ARAP3: variants seen among roughly 807,000 people sequenced by gnomAD.
The protein encoded by ARAP3 is arf-GAP with Rho-GAP domain, ANK repeat and PH domain-containing protein 3.
A neutral mutation model predicts 169.2 loss-of-function variants in ARAP3; 82 were observed. The observed-to-expected ratio is 0.48, with a 90% CI of 0.41 to 0.58. ARAP3 has a LOEUF of 0.58. Ranked by LOEUF, ARAP3 falls within the 20% of genes least tolerant of loss-of-function variation. ARAP3 has a pLI of 0.00. For synonymous variants in ARAP3, 791 were observed against 800.3 expected (o/e 0.99, Z 0.20); for missense variants, 1,764 against 2,018.0 (o/e 0.87, Z 2.41).
In ARAP3 at chr5:141,655,640, A is replaced by G; in HGVS notation, c.4091T>C (p.Leu1364Pro). 6.2e-7 allele frequency: 1 copy of G among 1,613,998 alleles called. No individual in the cohort carries two copies. The highest frequency in any genetic ancestry group is 8.5e-7 in the Non-Finnish European group (1 of 1,179,942). Residue 1364 changes from leucine to proline, a missense_variant, in exon 31 of 33, where the codon CTC becomes CCC. By Grantham distance (98) the Leu-to-Pro change is moderately conservative. This residue lies in a region of ARAP3 where 1,112 missense variants were observed against 1,285.7 expected (regional missense o/e 0.86). Transcript: ENST00000239440. ...CCTTACCAGGGTCTGATTGGCAGAG[A>G]GGAGGGTGGCTCCACTGTCATCCCC... is the stretch of plus-strand genomic sequence containing the variant. ...IRGDDSGATL[L>P]SANQTLRRLH... is the part of the protein sequence containing the mutation.
chr5:141,670,444 C>T (rs2154599036), intron 14 of ARAP3, 68 bp downstream of exon 14: 1 of 1,484,582 alleles, frequency 6.7e-7, no homozygotes, highest in Admixed American at 1.7e-5. Flanking sequence ...CTCTTTGTCC[C>T]TCTGCAGTAC....
intron 4 of ARAP3, among the ~76,000 whole-genome samples, chr5:141,675,223 C>G (rs1051095038): frequency 1.3e-5 from 2 of 152,164 alleles, no homozygotes; most frequent in East Asian, 3.9e-4. Flanking sequence ...TCAGAGAGGC[C>G]TCCCTTAACT....
Position 141,666,494 on chromosome 5 carries a change from C to T in ARAP3, c.2502G>A (p.Leu834=). 6.2e-7 allele frequency: 1 copy of T among 1,603,078 alleles called. No individual in the cohort carries two copies. The highest frequency in any genetic ancestry group is 8.5e-7 in the Non-Finnish European group (1 of 1,174,870). ...FGLLRGDHLF[L]CSAPGPGPPA... The stretch of plus-strand genomic sequence containing the variant: ...GGGGGCCTGGGCCCGGCGCTGAGCA[C>T]AGGAAGAGGTGGTCACCACGAAGGA... Residue 834 remains leucine (L), a synonymous_variant, in exon 17 of 33, where the codon CTG becomes CTA. Transcript: ENST00000239440.
chr5:141,670,932 C>T (rs1259420871), intron 13 of ARAP3, among the ~76,000 whole-genome samples: 1 of 152,212 alleles, frequency 6.6e-6, no homozygotes, highest in African/African-American at 2.4e-5. Flanking sequence ...AGGGTCTCAG[C>T]CCCCTGGCCT....
Position 141,673,802 on chromosome 5 carries a change from G to A in ARAP3, c.705C>T (p.Ser235=). The A allele has an allele frequency of 6.2e-7, 1 of 1,613,920 alleles. No homozygotes were observed. Among genetic ancestry groups the A allele is most frequent in the South Asian group, 1.1e-5 (1 of 91,074 alleles). ...VCQGRAEHRL[S]RQDLEAREDA... Reference sequence around the variant, plus strand: ...CCTCCCGTGCCTCCAGATCCTGTCTGCTGAGCCTTGTGGGGGCCAAGACAG... The same window carrying A: ...CCTCCCGTGCCTCCAGATCCTGTCTACTGAGCCTTGTGGGGGCCAAGACAG... Residue 235 remains serine, a synonymous_variant, in exon 5 of 33, where the codon AGC becomes AGT. Transcript: ENST00000239440.
At position 141,670,037 on chromosome 5, in the gene ARAP3, C is replaced by T. The variant is rs200870737; in HGVS notation, c.2134G>A (p.Gly712Arg). 6.3e-7 allele frequency: 1 copy of T among 1,598,238 alleles called. No individual in the cohort carries two copies. The highest frequency in any genetic ancestry group is 1.4e-5 in the African/African-American group (1 of 73,656). Reference sequence around the variant, plus strand: ...GATGCAAACATTTCCAGAGCTGCTCCCAGCACACACCAAAGGCGCGGGGGA... The same window carrying T: ...GATGCAAACATTTCCAGAGCTGCTCTCAGCACACACCAAAGGCGCGGGGGA... ...DAPPRLWCVL[G>R]AALEMFASEN... The change falls in exon 15 of 33, where the codon GGA becomes AGA. Residue 712 changes from glycine (G) to arginine (R), a missense_variant. Around this residue, in one of 3 missense-constraint regions of ARAP3, gnomAD observed 1,112 missense variants for 1,285.7 expected, o/e 0.86. Transcript: ENST00000239440.
At chr5:141,670,658 A>T in intron 13 of ARAP3, 30 bp from the exon 14 acceptor site, 1 of 1,586,810 alleles carries the variant, frequency 6.3e-7, no homozygotes, top group Non-Finnish European at 8.7e-7. Flanking sequence ...TAGTCAGGTC[A>T]ACCAAGTGCA....
At chr5:141,677,745 GTTT>G (rs34170396) in intron 4 of ARAP3, among the ~76,000 whole-genome samples, 1 of 151,636 alleles carries the variant, frequency 6.6e-6, no homozygotes, top group Non-Finnish European at 1.5e-5. Flanking sequence ...CCTTGTTTTT[GTTT>G]TTTTGGTTTT....
Position 141,654,004 on chromosome 5 carries a change from G to A in ARAP3, c.4581C>T (p.Phe1527=). 2 of 1,558,296 alleles carry A rather than the reference G, an allele frequency of 1.3e-6. No individual in the cohort carries two copies. The highest frequency in any genetic ancestry group is 3.5e-4 in the Middle Eastern group (2 of 5,688). ...PTGLPTQTPG[F]PTQPPCTSSP... ...TGGAAGTGCATGGGGGTTGGGTGGG[G>A]AAGCCAGGTGTCTGTGTTGGAAGGC... The change falls in exon 33 of 33, where the codon TTC becomes TTT. Residue 1527 remains phenylalanine, a synonymous_variant. Coordinates refer to ENST00000239440, the MANE Select transcript of ARAP3 (RefSeq NM_022481.6).
At chr5:141,680,698 G>C in intron 1 of ARAP3, 195 bp from the exon 2 acceptor site, 1 of 890,354 alleles carries the variant, frequency 1.1e-6, no homozygotes, top group Non-Finnish European at 1.6e-6. Context: ...GACTTCATTT[G>C]AAGTTAAGGA....
In ARAP3 at chr5:141,671,553, T is replaced by C. The variant is rs373334593; in HGVS notation, c.1854+17A>G. Reference sequence around the variant, plus strand: ...TGACCCCCCCACCCCAGATCACCCCTGCTCTGTCCCTCCTACCTGGAGAAG... The same window carrying C: ...TGACCCCCCCACCCCAGATCACCCCCGCTCTGTCCCTCCTACCTGGAGAAG... On this transcript the variant is annotated intron_variant, in intron 12 of 32. Transcript: ENST00000239440. The surrounding 1 kb of genome is among the most constrained non-coding windows in gnomAD (Gnocchi z 4.9). 4.3e-6 allele frequency: 7 copies of C among 1,613,534 alleles called. No homozygotes were observed. The African/African-American group carries it at 8.0e-5, about 18-fold the overall frequency.
intron 4 of ARAP3, 144 bp downstream of exon 4, chr5:141,679,401 G>A (rs2099912667): frequency 2.8e-6 from 2 of 708,262 alleles, no homozygotes; most frequent in African/African-American, 1.8e-5. Flanking sequence ...CTGCCTGAGG[G>A]TGGCACTAGG....
intron 16 of ARAP3, among the ~76,000 whole-genome samples, chr5:141,667,448 T>TC (rs2099910804): frequency 2.0e-5 from 3 of 151,566 alleles, no homozygotes; most frequent in Admixed American, 2.0e-4. Context: ...TTTTTTTTTT[T>TC]TTGAAATGGA....
rs1480106819 is a variant in ARAP3, at chr5:141,673,692, A to G, written c.815T>C (p.Leu272Pro). Residue 272 changes from leucine to proline, a missense_variant, in exon 5 of 33, where the codon CTC becomes CCC. By Grantham distance (98) the Leu-to-Pro change is moderately conservative (BLOSUM62 -3). Around this residue, in one of 3 missense-constraint regions of ARAP3, gnomAD observed 630 missense variants for 678.7 expected, o/e 0.93. Transcript: ENST00000239440. ...TLETEETSDDLISPYASFSFT... is the reference protein window; with the variant it reads ...TLETEETSDDPISPYASFSFT... Reference sequence around the variant, plus strand: ...GGAGAAGCTGGCATAGGGTGAAATGAGGTCATCACTGGTCTCCTCTGTTTC... The same window carrying G: ...GGAGAAGCTGGCATAGGGTGAAATGGGGTCATCACTGGTCTCCTCTGTTTC... 6.2e-7 allele frequency: 1 copy of G among 1,614,042 alleles called. No individual in the cohort carries two copies. The highest frequency in any genetic ancestry group is 1.3e-5 in the African/African-American group (1 of 74,902).
At position 141,659,641 on chromosome 5, in the gene ARAP3, T is replaced by C. The variant is rs925043427; in HGVS notation, c.3267+138A>G. 5 of 1,367,758 alleles carry C rather than the reference T, an allele frequency of 3.7e-6. No homozygotes were observed. The African/African-American group carries it at 7.1e-5, about 20-fold the overall frequency. 84.7% of individuals were successfully genotyped at this position (1,367,758 alleles called of 1,614,324 possible). On this transcript the variant is annotated intron_variant, in intron 22 of 32. Coordinates refer to ENST00000239440, the MANE Select transcript of ARAP3 (RefSeq NM_022481.6). ...GTTGTGGGAGAAGAAGGGCCAGGGC[T>C]CTGGGAGGTAGTTCCTGGTATAGCT...
At chr5:141,656,140 A>AG (rs1290173880) in intron 28 of ARAP3, 41 bp from the exon 29 acceptor site, 1 of 1,614,038 alleles carries the variant, frequency 6.2e-7, no homozygotes, top group East Asian at 2.2e-5. Flanking sequence ...CAGAAAGGGC[A>AG]GGGGGGTGAA....
chr5:141,667,479 G>A (rs2099910813), intron 16 of ARAP3, among the ~76,000 whole-genome samples: 1 of 149,916 alleles, frequency 6.7e-6, no homozygotes, highest in Non-Finnish European at 1.5e-5. Context: ...TCTCTCCCAG[G>A]GTGGAGTACA....
chr5:141,680,222 C>A lies in ARAP3; in HGVS notation c.265G>T (p.Ala89Ser). The A allele has an allele frequency of 6.2e-7, 1 of 1,613,266 alleles. No individual in the cohort carries two copies. Among genetic ancestry groups the A allele is most frequent in the Non-Finnish European group, 8.5e-7 (1 of 1,179,622 alleles). Residue 89 changes from alanine to serine, a missense_variant, in exon 2 of 33, where the codon GCC becomes TCC. Physicochemically the swap from Ala to Ser is moderately conservative, Grantham distance 99 (BLOSUM62 1). Coordinates refer to ENST00000239440, the MANE Select transcript of ARAP3 (RefSeq NM_022481.6). ...MEPSPSPAPQ[A>S]QPPKPVPKPR... ...TTCGGCACGGGCTTAGGGGGCTGGG[C>A]TTGCGGGGCTGGGCTGGGGGATGGT... is the stretch of plus-strand genomic sequence containing the variant.
At position 141,682,221 on chromosome 5, in the gene ARAP3, G is replaced by A. The variant is rs1264194027; in HGVS notation, c.-66C>T. The A allele has an allele frequency of 6.6e-6, 1 of 152,280 alleles. No individual in the cohort carries two copies. 9.4% of individuals were successfully genotyped at this position (152,280 alleles called of 1,614,324 possible). ...TCGCGGGTGCCCGCCGCTCGTCCGA[G>A]GTTCTGGGTCCCGCCGCGCCGGCCC... On this transcript the variant is annotated 5_prime_UTR_variant, in exon 1 of 33. Transcript: ENST00000239440.
Sources: allele counts gnomAD v4.1 joint callset (sites outside exome capture counted in the v4.1 genomes callset), GRCh38; gene constraint gnomAD v4.1.1; regional missense constraint gnomAD v4.1.1; non-coding constraint Gnocchi (gnomAD v3.1); transcripts MANE v1.5; gene names NCBI Gene and HGNC (gene_info 2026-07-23, HGNC 2026-07-21).